The following MPZL1 variants were observed in gnomAD, a reference collection of about 807,000 sequenced individuals.
The protein encoded by MPZL1 is myelin protein zero like 1.
Under a neutral mutation model 29.3 loss-of-function variants are expected in MPZL1, and 16 were observed. The observed-to-expected ratio is 0.55, with a 90% CI of 0.37 to 0.83. The LOEUF is 0.83. Among genes scored for constraint, MPZL1 ranks in the 40% least tolerant of loss-of-function variants. The pLI is 0.00. For synonymous variants in MPZL1, 143 were observed against 132.0 expected (o/e 1.08, Z -0.57); for missense variants, 279 against 332.9 (o/e 0.84, Z 1.26).
intron 2 of MPZL1, among the ~76,000 whole-genome samples, chr1:167,768,058 T>C (rs749285260): frequency 8.5e-5 from 13 of 152,116 alleles, no homozygotes; most frequent in Admixed American, 2.6e-4. Context: ...TGCCTGGTCT[T>C]GTGCAGTAGC....
At chr1:167,741,143 A>G (rs569154320) in intron 1 of MPZL1, among the ~76,000 whole-genome samples, 9 of 151,498 alleles carry the variant, frequency 5.9e-5, no homozygotes, top group Middle Eastern at 3.5e-3. Context: ...CAGCCTCCTA[A>G]GTAGCTGGGA....
intron 2 of MPZL1, among the ~76,000 whole-genome samples, chr1:167,767,112 C>G (rs1275124937): frequency 6.6e-6 from 1 of 152,202 alleles, no homozygotes; most frequent in East Asian, 1.9e-4. Flanking sequence ...GAGAATCTCC[C>G]CTATGGAGAA....
In MPZL1 at chr1:167,765,767, C is replaced by A; in HGVS notation, c.258+18C>A. On this transcript the variant is annotated intron_variant, in intron 2 of 5. Transcript: ENST00000359523. ...CTGTGTCGGTAAGAATGCTTGACTT[C>A]TCTTGGCTAGTCCTGCCTCACAGGT... is the stretch of plus-strand genomic sequence containing the variant. 1 of 1,575,844 alleles carries A rather than the reference C, an allele frequency of 6.3e-7. No homozygotes were observed. Among genetic ancestry groups the A allele is most frequent in the Non-Finnish European group, 8.6e-7 (1 of 1,162,514 alleles).
At position 167,773,277 on chromosome 1, in the gene MPZL1, GT is replaced by G. The variant is rs1661289613; in HGVS notation, c.516del (p.Thr173LeufsTer5). 1 of 1,613,506 alleles carries G rather than the reference GT, an allele frequency of 6.2e-7. No individual in the cohort carries two copies. Among genetic ancestry groups the G allele is most frequent in the Admixed American group, 1.7e-5 (1 of 60,006 alleles). ...TCCAGTTTGGGTAGTGGTGGGCATA[GT>G]TACTGCTGTGGTCCTAGGTCTCACT... The part of the protein sequence containing the change: ...VFPVWVVVGI[V>X]TAVVLGLTLL... On this transcript the variant is annotated frameshift_variant, in exon 4 of 6. Transcript: ENST00000359523. LOFTEE classifies it high-confidence loss of function.
chr1:167,739,282 C>T (rs10918756), intron 1 of MPZL1, among the ~76,000 whole-genome samples: 2,700 of 88,532 alleles, frequency 0.03, 57 homozygotes, highest in African/African-American at 0.078. Context: ...TACATATATA[C>T]ATATATATAT....
chr1:167,777,378 A>C (rs1371984851), intron 5 of MPZL1, among the ~76,000 whole-genome samples: 1 of 152,324 alleles, frequency 6.6e-6, no homozygotes, highest in South Asian at 2.1e-4. Context: ...TGTCATCCCC[A>C]AAAGAAAGGA....
chr1:167,778,100 ATCACGAGG>A (rs1661410375), intron 5 of MPZL1, among the ~76,000 whole-genome samples: 1 of 152,170 alleles, frequency 6.6e-6, no homozygotes, highest in African/African-American at 2.4e-5. Context: ...AGGCGGGTGG[ATCACGAGG>A]TCAGGAGTTC....
chr1:167,740,393 C>G (rs1198089550), intron 1 of MPZL1, among the ~76,000 whole-genome samples: 1 of 152,192 alleles, frequency 6.6e-6, no homozygotes, highest in Non-Finnish European at 1.5e-5. Flanking sequence ...TCAGGATCAC[C>G]AGAGGACTCC....
chr1:167,732,163 A>G (rs1660285161), intron 1 of MPZL1, among the ~76,000 whole-genome samples: 1 of 152,212 alleles, frequency 6.6e-6, no homozygotes, highest in African/African-American at 2.4e-5. Context: ...GAAAAATTCT[A>G]TATTCTGAAA....
Position 167,722,057 on chromosome 1 carries a change from G to T in MPZL1, c.-95G>T. ...GGTGCCACCCGGCGCGGGTGGCGGA[G>T]AGATCAGAAGCCTCTTCCCCAAGCC... On this transcript the variant is annotated 5_prime_UTR_variant, in exon 1 of 6. Transcript: ENST00000359523. 2 of 1,228,654 alleles carry T rather than the reference G, an allele frequency of 1.6e-6. No homozygotes were observed. The highest frequency in any genetic ancestry group is 2.0e-6 in the Non-Finnish European group (2 of 985,532). 76.1% of individuals were successfully genotyped at this position (1,228,654 alleles called of 1,614,324 possible).
intron 1 of MPZL1, among the ~76,000 whole-genome samples, chr1:167,757,176 C>T (rs537986355): frequency 6.6e-6 from 1 of 152,162 alleles, no homozygotes; most frequent in Non-Finnish European, 1.5e-5. Context: ...TGGCCCTGTT[C>T]CCAGGAGAGA....
At chr1:167,758,613 G>A (rs1660919351) in intron 1 of MPZL1, among the ~76,000 whole-genome samples, 1 of 151,182 alleles carries the variant, frequency 6.6e-6, no homozygotes, top group African/African-American at 2.4e-5. Context: ...TTTGATTATT[G>A]TAAAAATGAC....
intron 5 of MPZL1, chr1:167,786,989 G>A (rs979070237): frequency 3.9e-5 from 6 of 152,100 alleles, no homozygotes; most frequent in African/African-American, 9.7e-5. Flanking sequence ...TAGGGAATTC[G>A]CTCTGCCCCC....
At chr1:167,740,683 C>T (rs1660497666) in intron 1 of MPZL1, among the ~76,000 whole-genome samples, 1 of 152,134 alleles carries the variant, frequency 6.6e-6, no homozygotes, top group Non-Finnish European at 1.5e-5. Context: ...ATGCTGGTAA[C>T]TTCCAAAATT....
Position 167,788,999 on chromosome 1 carries a change from C to T in MPZL1, c.*1078C>T, listed in dbSNP as rs544184427. ...GTAGCTGGAACGAACTATAGTTGCA[C>T]CACTGCAGCTGGCAAGAATCACCTT... On this transcript the variant is annotated 3_prime_UTR_variant, in exon 6 of 6. Coordinates refer to ENST00000359523, the MANE Select transcript of MPZL1 (RefSeq NM_003953.6). The T allele has an allele frequency of 5.3e-5, 8 of 152,014 alleles. No homozygotes were observed. In the East Asian group the frequency reaches 5.8e-4, roughly 11 times the overall value. The allele number at this position is 152,014 out of a possible 1,614,324, so 9.4% of individuals were successfully genotyped here. A position where few individuals can be genotyped will look rare whatever the true frequency, so the allele number is the denominator to read the frequency against.
At chr1:167,733,996 C>T (rs1368040336) in intron 1 of MPZL1, among the ~76,000 whole-genome samples, 9 of 152,112 alleles carry the variant, frequency 5.9e-5, no homozygotes, top group Non-Finnish European at 2.9e-5. Context: ...GTGGCTCACG[C>T]CTGTAATCCC....
intron 5 of MPZL1, among the ~76,000 whole-genome samples, chr1:167,781,621 T>A (rs1025033143): frequency 6.9e-6 from 1 of 144,920 alleles, no homozygotes; most frequent in Non-Finnish European, 1.5e-5. Flanking sequence ...TAGAAAAAAA[T>A]AAAGCTCTAA....
intron 1 of MPZL1, among the ~76,000 whole-genome samples, chr1:167,762,070 G>A (rs146027985): frequency 2.0e-5 from 3 of 152,308 alleles, no homozygotes; most frequent in South Asian, 2.1e-4. Context: ...AGTGGGTGCA[G>A]GTACTGATGA....
chr1:167,768,007 C>A (rs116579438), intron 2 of MPZL1, among the ~76,000 whole-genome samples: 1 of 151,848 alleles, frequency 6.6e-6, no homozygotes. Context: ...TTTTGTCAGC[C>A]TTCCTGTGTC....
Sources: allele counts gnomAD v4.1 joint callset (sites outside exome capture counted in the v4.1 genomes callset), GRCh38; gene constraint gnomAD v4.1.1; transcripts MANE v1.5; gene names NCBI Gene and HGNC (gene_info 2026-07-23, HGNC 2026-07-21).